MITD1: variants seen among roughly 807,000 people sequenced by gnomAD.
MITD1 encodes the protein microtubule interacting and trafficking domain containing 1, also known as MIT domain-containing protein 1.
A neutral mutation model predicts 34.9 loss-of-function variants in MITD1; 24 were observed. The observed-to-expected ratio is 0.69, with a 90% CI of 0.50 to 0.97. MITD1 has a LOEUF of 0.97. Ranked by LOEUF, MITD1 falls within the 50% of genes least tolerant of loss-of-function variation. MITD1 has a pLI of 0.00. For missense variants in MITD1, 266 were observed against 294.6 expected (o/e 0.90, Z 0.71); for synonymous variants, 102 against 101.4 (o/e 1.01, Z -0.04).
chr2:99,178,678 G>A (rs755182051), intron 1 of MITD1, among the ~76,000 whole-genome samples: 1 of 152,066 alleles, frequency 6.6e-6, no homozygotes, highest in African/African-American at 2.4e-5. Flanking sequence ...AGGAGAGAGA[G>A]TGTGCCATGC....
downstream of MITD1, among the ~76,000 whole-genome samples, chr2:99,166,315 C>T (rs776118563): frequency 6.6e-6 from 1 of 151,528 alleles, no homozygotes; most frequent in Non-Finnish European, 1.5e-5. Flanking sequence ...AGGGAGTAGC[C>T]AACTGGGTCA....
intron 5 of MITD1, 65 bp from the exon 6 acceptor site, chr2:99,169,675 G>C: frequency 7.4e-7 from 1 of 1,343,628 alleles, no homozygotes. Context: ...TAAAGCTGTA[G>C]TGTATTAAGT....
At chr2:99,179,422 G>C (rs1166806520) in intron 1 of MITD1, among the ~76,000 whole-genome samples, 5 of 152,042 alleles carry the variant, frequency 3.3e-5, no homozygotes, top group Non-Finnish European at 7.4e-5. Flanking sequence ...TAGGGCAATT[G>C]GTACGGATGA....
At chr2:99,163,006 G>C (rs751331564) in intron 7 of MITD1, 2 of 1,610,164 alleles carry the variant, frequency 1.2e-6, no homozygotes, top group African/African-American at 2.7e-5. Context: ...ATATTACTTA[G>C]AACATGTCCA....
At position 99,162,587 on chromosome 2, in the gene MITD1, C is replaced by T. The variant is rs1345428943; in HGVS notation, c.*4-369G>A. The T allele has an allele frequency of 7.4e-6, 12 of 1,614,032 alleles. No homozygotes were observed. In the Admixed American group the frequency reaches 2.0e-4, roughly 27 times the overall value. On this transcript the variant is annotated intron_variant, in intron 7 of 7. Transcript: ENST00000422537. ...GCAATGCCACTGCTAGCATACCTTC[C>T]TTAGTGAAAAATCTTTTGGAAAAGG... is the stretch of plus-strand genomic sequence containing the variant.
chr2:99,179,792 A>T (rs2105233569), intron 1 of MITD1, among the ~76,000 whole-genome samples: 1 of 152,048 alleles, frequency 6.6e-6, no homozygotes, highest in Admixed American at 6.5e-5. Flanking sequence ...CGATCTCTTG[A>T]CCTCATGATC....
At chr2:99,168,946 ATTTTTT>A (rs1175310553), downstream of MITD1, among the ~76,000 whole-genome samples, 9 of 49,326 alleles carry the variant, frequency 1.8e-4, no homozygotes, top group East Asian at 1.1e-3. Flanking sequence ...TGCCCGGCTA[ATTTTTT>A]TTTTTTTTTT....
downstream of MITD1, chr2:99,169,224 T>A (rs989029498): frequency 2.0e-6 from 1 of 511,246 alleles, no homozygotes; most frequent in Admixed American, 3.7e-5. Flanking sequence ...TACAAAAATA[T>A]TTAGGATTGT....
chr2:99,166,858 AATATATATATATATATATATATATATAT>A (rs10584187), downstream of MITD1, among the ~76,000 whole-genome samples: 1 of 115,422 alleles, frequency 8.7e-6, no homozygotes, highest in African/African-American at 3.4e-5. Flanking sequence ...TGGGGTTTTA[AATATATATATATATATATATATATATAT>A]ATATATATAT....
At chr2:99,171,145 C>G (rs560914861) in intron 4 of MITD1, among the ~76,000 whole-genome samples, 198 bp downstream of exon 4, 1 of 152,320 alleles carries the variant, frequency 6.6e-6, no homozygotes, top group East Asian at 1.9e-4. Context: ...GTGCATTTAG[C>G]AAAGTGGCCA....
At chr2:99,170,696 C>A in intron 4 of MITD1, 44 bp from the exon 5 acceptor site, 1 of 930,650 alleles carries the variant, frequency 1.1e-6, no homozygotes, top group South Asian at 1.4e-5. Context: ...GTTATTATTA[C>A]TATCTTAAAT....
chr2:99,171,246 T>C lies in MITD1; in HGVS notation c.477+97A>G, dbSNP rs967352875. ...ATAAGTTAATTCCCAAGGAAACAAA[T>C]CTAGCTGAAGCACTGCATCTGTGTT... On this transcript the variant is annotated intron_variant, in intron 4 of 6. Coordinates refer to ENST00000289359, the MANE Select transcript of MITD1 (RefSeq NM_138798.3). 30 of 858,806 alleles carry C rather than the reference T, an allele frequency of 3.5e-5. No individual in the cohort carries two copies. The African/African-American group carries it at 4.4e-4, about 13-fold the overall frequency. 53.2% of individuals were successfully genotyped at this position (858,806 alleles called of 1,614,324 possible). A position where few individuals can be genotyped will look rare whatever the true frequency, so the allele number is the denominator to read the frequency against.
intron 7 of MITD1, chr2:99,162,816 G>GTAT (rs767221620): frequency 1.4e-5 from 23 of 1,613,830 alleles, no homozygotes; most frequent in Non-Finnish European, 1.9e-5. Flanking sequence ...TTCCTTTCAT[G>GTAT]TGTTATATGA....
Position 99,180,893 on chromosome 2 carries a change from C to A in MITD1, c.89G>T (p.Arg30Leu). 3 of 1,614,196 alleles carry A rather than the reference C, an allele frequency of 1.9e-6. No homozygotes were observed. Among genetic ancestry groups the A allele is most frequent in the Non-Finnish European group, 2.5e-6 (3 of 1,180,036 alleles). The change falls in exon 1 of 7, where the codon CGG becomes CTG. Residue 30 changes from arginine (R) to leucine (L), a missense_variant. Coordinates refer to ENST00000289359, the MANE Select transcript of MITD1 (RefSeq NM_138798.3). ...GTAACACACCAGAGCCTGCGGATACCGCGACTCCGAATCTAGTTCTACTGC... is the reference window on the plus strand; with the variant it reads ...GTAACACACCAGAGCCTGCGGATACAGCGACTCCGAATCTAGTTCTACTGC... ...KRAVELDSES[R>L]YPQALVCYQE...
At chr2:99,179,774 G>A (rs12474833) in intron 1 of MITD1, among the ~76,000 whole-genome samples, 27,848 of 151,960 alleles carry the variant, frequency 0.18, 2,957 homozygotes, top group Admixed American at 0.28. Flanking sequence ...TGTTGGCCAG[G>A]ATGGTCTCGA....
rs2093856997 is a variant in MITD1, at chr2:99,171,419, A to C, written c.401T>G (p.Phe134Cys). 1 of 1,611,506 alleles carries C rather than the reference A, an allele frequency of 6.2e-7. No individual in the cohort carries two copies. The highest frequency in any genetic ancestry group is 1.7e-5 in the Admixed American group (1 of 60,016). The change falls in exon 4 of 7, where the codon TTT (phenylalanine) becomes TGT (cysteine). Residue 134 changes from phenylalanine (F) to cysteine (C), a missense_variant. Transcript: ENST00000289359. Reference sequence around the variant, plus strand: ...AATAAGCATCTCACAAAATCGAAGAAAGTTATACAGCTAAAAGACATTAGA... The same window carrying C: ...AATAAGCATCTCACAAAATCGAAGACAGTTATACAGCTAAAAGACATTAGA... ...YIRHTHQLYN[F>C]LRFCEMLIKR... is the part of the protein sequence containing the mutation.
intron 6 of MITD1, 35 bp downstream of exon 6, chr2:99,169,515 A>G: frequency 1.9e-6 from 3 of 1,599,754 alleles, no homozygotes; most frequent in Non-Finnish European, 2.6e-6. Flanking sequence ...ATACAAAAAC[A>G]GTGCTACACA....
intron 2 of MITD1, 86 bp downstream of exon 2, chr2:99,173,829 A>C: frequency 2.4e-6 from 2 of 822,888 alleles, no homozygotes; most frequent in East Asian, 2.5e-5. Flanking sequence ...GACCACACAG[A>C]GCTCCAAAGG....
chr2:99,161,609 G>A (rs1326995218), downstream of MITD1: 2 of 172,502 alleles, frequency 1.2e-5, no homozygotes, highest in African/African-American at 4.8e-5. Flanking sequence ...AGGCCAAGGT[G>A]GGAGGACTGC....
Sources: gnomAD v4.1 joint callset for allele counts (sites outside exome capture counted in the v4.1 genomes callset) on GRCh38, gnomAD v4.1.1 for gene constraint, MANE v1.5 for transcripts, NCBI Gene and HGNC (gene_info 2026-07-23, HGNC 2026-07-21) for gene names.